The following LRRC4B variants were observed in gnomAD, a reference collection of about 807,000 sequenced individuals.
The protein encoded by LRRC4B is leucine rich repeat containing 4B, also known as leucine-rich repeat-containing protein 4B.
A neutral mutation model predicts 7.3 loss-of-function variants in LRRC4B; 1 was observed. The observed-to-expected ratio is 0.14, with a 90% CI of 0.05 to 0.65. The LOEUF (loss-of-function observed/expected upper bound fraction) is 0.65. Among genes scored for constraint, LRRC4B ranks in the 30% least tolerant of loss-of-function variants. The probability of loss-of-function intolerance (pLI) is 0.84; values close to 1 mark genes in which losing one functional copy is unlikely to be tolerated. For missense variants in LRRC4B, 730 were observed against 1,041.6 expected (o/e 0.70, Z 4.12); for synonymous variants, 500 against 499.2 (o/e 1.00, Z -0.02).
In LRRC4B at chr19:50,537,148, A is replaced by G. The variant is rs529182002; in HGVS notation, c.297+11394T>C. On this transcript the variant is annotated intron_variant, in intron 2 of 2. Coordinates refer to ENST00000652263, the MANE Select transcript of LRRC4B (RefSeq NM_001080457.2). The surrounding 1 kb of genome is among the most constrained non-coding windows in gnomAD (Gnocchi z 5.5). ...GGGTGCAGCGCCAGGGATAGCTACG[A>G]ATTAGGAAGCATTACGAATCGCGTT... Among the ~76,000 whole-genome samples, 202 of 152,244 alleles carry G rather than the reference A, an allele frequency of 1.3e-3. No individual in the cohort carries two copies. The highest frequency in any genetic ancestry group is 4.6e-3 in the African/African-American group (190 of 41,542).
rs1980474609 is a variant in LRRC4B, at chr19:50,519,803, G to A, written c.298-388C>T. Among the ~76,000 whole-genome samples, 1 of 152,048 alleles carries A rather than the reference G, an allele frequency of 6.6e-6. No homozygotes were observed. Among genetic ancestry groups the A allele is most frequent in the East Asian group, 1.9e-4 (1 of 5,180 alleles). On this transcript the variant is annotated intron_variant, in intron 2 of 2. Transcript: ENST00000652263. The surrounding 1 kb of genome is among the most constrained non-coding windows in gnomAD (Gnocchi z 8.1). ...CACGAGAATCACTTGAACCCAGGAGGCGGAGTCTGCAGTGAGTCGAGATAG... is the reference window on the plus strand; with the variant it reads ...CACGAGAATCACTTGAACCCAGGAGACGGAGTCTGCAGTGAGTCGAGATAG...
intron 2 of LRRC4B, among the ~76,000 whole-genome samples, chr19:50,542,448 C>T (rs1481000340): frequency 2.0e-5 from 3 of 149,664 alleles, no homozygotes; most frequent in African/African-American, 7.4e-5. Context: ...GGGGCCGGGG[C>T]AGGGCCTCAG....
Position 50,518,908 on chromosome 19 carries a change from C to T in LRRC4B, c.805G>A (p.Glu269Lys). 2 of 1,613,978 alleles carry T rather than the reference C, an allele frequency of 1.2e-6. No individual in the cohort carries two copies. The highest frequency in any genetic ancestry group is 8.5e-7 in the Non-Finnish European group (1 of 1,179,974). Reference sequence around the variant, plus strand: ...TTGAGGTCGTCGAAGGCGTTGCGCTCGATGGTGGCTACCTGGGCGTGCATG... The same window carrying T: ...TTGAGGTCGTCGAAGGCGTTGCGCTTGATGGTGGCTACCTGGGCGTGCATG... ...WLMHAQVATI[E>K]RNAFDDLKSL... is the part of the protein sequence containing the mutation. The change falls in exon 3 of 3, where the codon GAG becomes AAG. Residue 269 changes from glutamate (E) to lysine (K), a missense_variant. This residue lies in a region of LRRC4B where 226 missense variants were observed against 448.0 expected (regional missense o/e 0.50). Coordinates refer to ENST00000652263, the MANE Select transcript of LRRC4B (RefSeq NM_001080457.2).
At chr19:50,530,469 C>T (rs1441602876) in intron 2 of LRRC4B, among the ~76,000 whole-genome samples, 1 of 152,214 alleles carries the variant, frequency 6.6e-6, no homozygotes, top group Non-Finnish European at 1.5e-5. Flanking sequence ...CTTTCATCCA[C>T]CGGGAAAGCT....
chr19:50,551,795 T>C (rs1982077940), intron 1 of LRRC4B, among the ~76,000 whole-genome samples: 1 of 151,564 alleles, frequency 6.6e-6, no homozygotes, highest in African/African-American at 2.4e-5. Flanking sequence ...TGTCTCTCTC[T>C]TTCTCCGCGA....
intron 1 of LRRC4B, among the ~76,000 whole-genome samples, chr19:50,549,626 C>T (rs889230270): frequency 2.0e-5 from 3 of 152,180 alleles, no homozygotes; most frequent in Admixed American, 1.3e-4. Context: ...ACAAGGCAAC[C>T]GTGGAGGTGA....
Position 50,518,274 on chromosome 19 carries a change from C to A in LRRC4B, c.1439G>T (p.Gly480Val). The A allele has an allele frequency of 1.9e-6, 3 of 1,599,998 alleles. No homozygotes were observed. The highest frequency in any genetic ancestry group is 1.7e-4 in the Middle Eastern group (1 of 6,030). ...GPGGSGGVGG[G>V]SGGYTYFTTV... Reference sequence around the variant, plus strand: ...GGTGAAGTAGGTGTAGCCGCCACTGCCCCCTCCAACACCACCACTGCCCCC... The same window carrying A: ...GGTGAAGTAGGTGTAGCCGCCACTGACCCCTCCAACACCACCACTGCCCCC... The change falls in exon 3 of 3, where the codon GGC (glycine) becomes GTC (valine). Residue 480 changes from glycine (G) to valine (V), a missense_variant. This residue lies in a region of LRRC4B where 192 missense variants were observed against 228.6 expected (regional missense o/e 0.84). Coordinates refer to ENST00000652263, the MANE Select transcript of LRRC4B (RefSeq NM_001080457.2).
chr19:50,549,464 C>T (rs1166514227), intron 1 of LRRC4B, among the ~76,000 whole-genome samples: 1 of 152,198 alleles, frequency 6.6e-6, no homozygotes, highest in Non-Finnish European at 1.5e-5. Flanking sequence ...TTCCCCCACC[C>T]CCTGTGCCCT....
In LRRC4B at chr19:50,519,365, C is replaced by T; in HGVS notation, c.348G>A (p.Gln116=). 6.2e-7 allele frequency: 1 copy of T among 1,609,758 alleles called. No individual in the cohort carries two copies. Among genetic ancestry groups the T allele is most frequent in the South Asian group, 1.1e-5 (1 of 91,072 alleles). Residue 116 remains glutamine, a synonymous_variant, in exon 3 of 3, where the codon CAG becomes CAA. Transcript: ENST00000652263. This position sits in a 1 kb window ranked among gnomAD's most constrained non-coding sequence, Gnocchi z 8.1. ...FKHLRHLEIL[Q]LSKNLVRKIE... ...TCTTGCGCACCAGGTTCTTGCTCAG[C>T]TGCAGAATCTCCAGGTGCCGCAGGT...
rs111237041 is a variant in LRRC4B, at chr19:50,558,647, G to A, written c.-36+9297C>T. 4.6e-3 allele frequency among the ~76,000 whole-genome samples: 700 copies of A among 152,378 alleles called. 7 individuals are homozygous for A. Among genetic ancestry groups the A allele is most frequent in the African/African-American group, 0.016 (653 of 41,602 alleles). ...CACACGAGGCTACGGAGCACGTGACGTATGTCGAGAAGGAGCAGGGACTGA... is the reference window on the plus strand; with the variant it reads ...CACACGAGGCTACGGAGCACGTGACATATGTCGAGAAGGAGCAGGGACTGA... On this transcript the variant is annotated intron_variant, in intron 1 of 2. Transcript: ENST00000652263.
At chr19:50,535,582 G>T (rs1364193301) in intron 2 of LRRC4B, among the ~76,000 whole-genome samples, 1 of 152,160 alleles carries the variant, frequency 6.6e-6, no homozygotes, top group Non-Finnish European at 1.5e-5. Flanking sequence ...ACCGTTATTT[G>T]TCACATCAAC....
intron 2 of LRRC4B, among the ~76,000 whole-genome samples, chr19:50,543,151 C>G (rs1270992011): frequency 3.9e-5 from 6 of 152,298 alleles, no homozygotes; most frequent in African/African-American, 1.4e-4. Flanking sequence ...TGCTGGGCAC[C>G]TCCTGTGTGC....
chr19:50,530,948 A>G (rs980705866), intron 2 of LRRC4B, among the ~76,000 whole-genome samples: 1 of 141,268 alleles, frequency 7.1e-6, no homozygotes, highest in Non-Finnish European at 1.5e-5. Context: ...GGGTCTCTCT[A>G]TGTTGGTCAG....
chr19:50,561,614 A>T (rs568849302), intron 1 of LRRC4B, among the ~76,000 whole-genome samples: 398 of 152,238 alleles, frequency 2.6e-3, no homozygotes, highest in Non-Finnish European at 4.0e-3. Context: ...GCACGCCTGT[A>T]ATCCCTGCTA....
At chr19:50,557,602 C>T (rs1214682666) in intron 1 of LRRC4B, 1 of 146,758 alleles carries the variant, frequency 6.8e-6, no homozygotes, top group Non-Finnish European at 1.5e-5. Flanking sequence ...CCGGTGCTGC[C>T]AATTTTCCGC....
At position 50,563,293 on chromosome 19, in the gene LRRC4B, C is replaced by A. The variant is rs1174333383; in HGVS notation, c.-36+4651G>T. 6.6e-6 allele frequency among the ~76,000 whole-genome samples: 1 copy of A among 152,228 alleles called. No individual in the cohort carries two copies. The highest frequency in any genetic ancestry group is 1.5e-5 in the Non-Finnish European group (1 of 68,030). ...CACTCTCCTTACTCTCCTGCCACCC[C>A]CTGTCTGGCGGAGCCAGCCCAGCCT... On this transcript the variant is annotated intron_variant, in intron 1 of 2. Transcript: ENST00000652263. The surrounding 1 kb of genome is among the most constrained non-coding windows in gnomAD (Gnocchi z 4.9).
Position 50,556,434 on chromosome 19 carries a change from C to G in LRRC4B, c.-35-7561G>C, listed in dbSNP as rs955051655. Among the ~76,000 whole-genome samples the G allele has an allele frequency of 1.3e-5, 2 of 152,172 alleles. No homozygotes were observed. The highest frequency in any genetic ancestry group is 4.8e-5 in the African/African-American group (2 of 41,442). ...CCCGTTCCCCTGAGGGGACTTTGCCCCTGCTGTGCCCTCGGCCAGCCGGGG... is the reference window on the plus strand; with the variant it reads ...CCCGTTCCCCTGAGGGGACTTTGCCGCTGCTGTGCCCTCGGCCAGCCGGGG... On this transcript the variant is annotated intron_variant, in intron 1 of 2. Transcript: ENST00000652263. This position sits in a 1 kb window ranked among gnomAD's most constrained non-coding sequence, Gnocchi z 4.2.
At position 50,556,261 on chromosome 19, in the gene LRRC4B, G is replaced by C. The variant is rs1032864514; in HGVS notation, c.-35-7388C>G. Among the ~76,000 whole-genome samples the C allele has an allele frequency of 3.9e-5, 6 of 151,938 alleles. No individual in the cohort carries two copies. The highest frequency in any genetic ancestry group is 5.9e-5 in the Non-Finnish European group (4 of 67,962). The stretch of plus-strand genomic sequence containing the variant: ...CGGCCCGTGCAGTGGGGGTGCAGTC[G>C]GGGTGGGGGTGAGGTGCAGTGGGTG... On this transcript the variant is annotated intron_variant, in intron 1 of 2. Transcript: ENST00000652263. This position sits in a 1 kb window ranked among gnomAD's most constrained non-coding sequence, Gnocchi z 4.2.
At chr19:50,529,221 C>G (rs1024384256) in intron 2 of LRRC4B, among the ~76,000 whole-genome samples, 2 of 152,134 alleles carry the variant, frequency 1.3e-5, no homozygotes, top group African/African-American at 4.8e-5. Context: ...GGAGCCTGCA[C>G]ACTCCCTCCC....
Sources: allele counts gnomAD v4.1 joint callset (sites outside exome capture counted in the v4.1 genomes callset), GRCh38; gene constraint gnomAD v4.1.1; regional missense constraint gnomAD v4.1.1; non-coding constraint Gnocchi (gnomAD v3.1); transcripts MANE v1.5; gene names NCBI Gene and HGNC (gene_info 2026-07-23, HGNC 2026-07-21).